SGCZ: variants seen among roughly 807,000 people sequenced by gnomAD.
SGCZ encodes the protein sarcoglycan zeta.
SGCZ carries 40 observed loss-of-function variants against 41.3 expected under a neutral mutation model. That is an observed-to-expected ratio of 0.97 (90% CI 0.75 to 1.26). The LOEUF is 1.26. SGCZ is among the 50% of genes most tolerant of loss of function. The pLI is 0.00. For synonymous variants in SGCZ, 206 were observed against 137.5 expected (o/e 1.50, Z -3.49); for missense variants, 552 against 369.8 (o/e 1.49, Z -4.04).
intron 2 of SGCZ, among the ~76,000 whole-genome samples, chr8:14,348,254 C>T (rs1001291817): frequency 1.3e-5 from 2 of 152,150 alleles, no homozygotes; most frequent in Non-Finnish European, 2.9e-5. Context: ...CCTTTTAAAT[C>T]TCTCCACTCA....
intron 2 of SGCZ, among the ~76,000 whole-genome samples, chr8:14,477,135 T>C (rs1801384911): frequency 6.6e-6 from 1 of 152,228 alleles, no homozygotes; most frequent in Non-Finnish European, 1.5e-5. Context: ...TCTTTTCATT[T>C]TTGTGACTAA....
intron 1 of SGCZ, among the ~76,000 whole-genome samples, chr8:14,805,581 A>G (rs1041353877): frequency 1.4e-4 from 19 of 132,968 alleles, no homozygotes; most frequent in African/African-American, 4.7e-4. Context: ...TTCATAAAGC[A>G]CGTCCTGAGT....
intron 1 of SGCZ, among the ~76,000 whole-genome samples, chr8:14,646,408 T>C (rs1807218399): frequency 6.6e-6 from 1 of 151,846 alleles, no homozygotes; most frequent in South Asian, 2.1e-4. Context: ...CTGCATAGTA[T>C]TCCATGGTGT....
chr8:14,540,612 G>C (rs1803436505), intron 2 of SGCZ, among the ~76,000 whole-genome samples: 1 of 151,712 alleles, frequency 6.6e-6, no homozygotes, highest in Non-Finnish European at 1.5e-5. Context: ...TATGCAACTT[G>C]ATCACATTTT....
intron 5 of SGCZ, among the ~76,000 whole-genome samples, chr8:14,151,028 G>C (rs761785917): frequency 1.3e-5 from 2 of 152,126 alleles, no homozygotes; most frequent in Non-Finnish European, 2.9e-5. Flanking sequence ...GCTGGGAATG[G>C]TAGTGGGGAT....
chr8:14,852,791 C>G (rs987121008), intron 1 of SGCZ, among the ~76,000 whole-genome samples: 3 of 152,202 alleles, frequency 2.0e-5, no homozygotes, highest in African/African-American at 7.2e-5. Context: ...CACCTCCCAT[C>G]TGTAGTGTTT....
At chr8:14,818,619 T>C (rs1218906763) in intron 1 of SGCZ, among the ~76,000 whole-genome samples, 2 of 152,200 alleles carry the variant, frequency 1.3e-5, no homozygotes, top group Middle Eastern at 3.4e-3. Context: ...TGAAAAGGAA[T>C]TCAAACTGAT....
intron 4 of SGCZ, among the ~76,000 whole-genome samples, chr8:14,203,300 A>G (rs995465773): frequency 1.6e-4 from 25 of 152,224 alleles, no homozygotes; most frequent in African/African-American, 6.0e-4. Context: ...AAGTGCTGTT[A>G]AGACGAGAAG....
intron 2 of SGCZ, among the ~76,000 whole-genome samples, chr8:14,432,551 G>C (rs566038308): frequency 4.4e-4 from 67 of 152,202 alleles, no homozygotes; most frequent in African/African-American, 1.5e-3. Context: ...GGGGGTGAGG[G>C]ATACTGCAAA....
intron 4 of SGCZ, among the ~76,000 whole-genome samples, chr8:14,182,018 T>C (rs2117025277): frequency 6.6e-6 from 1 of 152,304 alleles, no homozygotes; most frequent in East Asian, 1.9e-4. Context: ...TATGTTTTAC[T>C]AGCAGGCATC....
intron 5 of SGCZ, among the ~76,000 whole-genome samples, chr8:14,137,939 G>A (rs547379111): frequency 6.6e-6 from 1 of 152,302 alleles, no homozygotes; most frequent in African/African-American, 2.4e-5. Flanking sequence ...AGAAAGGTCA[G>A]GTTACCCACA....
At chr8:15,067,562 C>T (rs1316342767) in intron 1 of SGCZ, among the ~76,000 whole-genome samples, 2 of 152,104 alleles carry the variant, frequency 1.3e-5, no homozygotes, top group East Asian at 1.9e-4. Flanking sequence ...ATATAAGTAT[C>T]CATTATTGCT....
intron 2 of SGCZ, among the ~76,000 whole-genome samples, chr8:14,343,627 T>C (rs1410124253): frequency 6.6e-6 from 1 of 151,854 alleles, no homozygotes; most frequent in African/African-American, 2.4e-5. Flanking sequence ...GGGGAAGGGG[T>C]TCTAGTAAAT....
At chr8:15,182,857 A>G (rs1023639082) in intron 1 of SGCZ, among the ~76,000 whole-genome samples, 18 of 152,238 alleles carry the variant, frequency 1.2e-4, no homozygotes, top group African/African-American at 3.1e-4. Context: ...ACAGCTTAAA[A>G]CACAAACACA....
At chr8:14,806,654 A>T (rs1801540260) in intron 1 of SGCZ, among the ~76,000 whole-genome samples, 1 of 152,040 alleles carries the variant, frequency 6.6e-6, no homozygotes, top group South Asian at 2.1e-4. Flanking sequence ...CCAGAGGTAC[A>T]AGGAGGAACT....
intron 1 of SGCZ, among the ~76,000 whole-genome samples, chr8:14,977,128 G>C (rs1200049318): frequency 1.3e-5 from 2 of 152,290 alleles, no homozygotes; most frequent in Non-Finnish European, 2.9e-5. Context: ...AAAGGATACA[G>C]TTTCCCTGAC....
chr8:14,557,987 T>C (rs1446971248), intron 1 of SGCZ, among the ~76,000 whole-genome samples: 2 of 151,958 alleles, frequency 1.3e-5, no homozygotes, highest in African/African-American at 4.8e-5. Context: ...TGGGAGACAA[T>C]ACACCTGACA....
chr8:14,284,504 G>A (rs564916528), intron 3 of SGCZ, among the ~76,000 whole-genome samples: 1 of 152,270 alleles, frequency 6.6e-6, no homozygotes, highest in African/African-American at 2.4e-5. Context: ...AATTATCCAT[G>A]CCTTTAGATT....
At position 14,899,111 on chromosome 8, in the gene SGCZ, C is replaced by T. The variant is rs569722899; in HGVS notation, c.39+338474G>A. On this transcript the variant is annotated intron_variant, in intron 1 of 7. Coordinates refer to ENST00000382080, the MANE Select transcript of SGCZ (RefSeq NM_139167.4). ...TTTTTTTCCTGGAATTGAGGACAAT[C>T]GCATAATAGCTGCCTTGATCATAGT... 5.3e-5 allele frequency among the ~76,000 whole-genome samples: 8 copies of T among 152,082 alleles called. No individual in the cohort carries two copies. The South Asian group carries it at 1.5e-3, about 28-fold the overall frequency.
Sources: gnomAD v4.1 joint callset for allele counts (sites outside exome capture counted in the v4.1 genomes callset) on GRCh38, gnomAD v4.1.1 for gene constraint, MANE v1.5 for transcripts, NCBI Gene and HGNC (gene_info 2026-07-23, HGNC 2026-07-21) for gene names.